Variants in PLEKHA5 observed in about 807,000 individuals in gnomAD.
The protein encoded by PLEKHA5 is pleckstrin homology domain containing A5, also known as pleckstrin homology domain-containing family A member 5.
A neutral mutation model predicts 181.9 loss-of-function variants in PLEKHA5; 55 were observed. The ratio of observed to expected loss-of-function variants is 0.30; its 90% confidence interval spans 0.24 to 0.38. The LOEUF (loss-of-function observed/expected upper bound fraction) is 0.38, where lower values mean the gene tolerates loss of function less well. Among genes scored for constraint, PLEKHA5 ranks in the 10% least tolerant of loss-of-function variants. PLEKHA5 has a pLI of 1.00. For missense variants in PLEKHA5, 1,432 were observed against 1,549.5 expected (o/e 0.92, Z 1.27); for synonymous variants, 535 against 529.4 (o/e 1.01, Z -0.15).
chr12:19,320,810 G>A, intron 18 of PLEKHA5, 186 bp downstream of exon 18: 1 of 373,950 alleles, frequency 2.7e-6, no homozygotes, highest in Non-Finnish European at 4.9e-6. Flanking sequence ...GCTCCCTATT[G>A]TTAGCAGTCC....
At chr12:19,157,097 T>C (rs61913274) in intron 3 of PLEKHA5, among the ~76,000 whole-genome samples, 32 of 143,292 alleles carry the variant, frequency 2.2e-4, no homozygotes, top group African/African-American at 5.2e-4. Context: ...TATATGTACA[T>C]ACACACACAC....
chr12:19,358,180 T>C (rs755055184), intron 26 of PLEKHA5, 48 bp from the exon 27 acceptor site: 17 of 1,260,856 alleles, frequency 1.3e-5, no homozygotes, highest in Non-Finnish European at 1.9e-5. Flanking sequence ...CATCATACTT[T>C]TCAGAAGTTT....
At chr12:19,153,930 T>G (rs1480756520) in intron 3 of PLEKHA5, 1 of 152,192 alleles carries the variant, frequency 6.6e-6, no homozygotes, top group Non-Finnish European at 1.5e-5. Context: ...AGAGTTTGTA[T>G]GAGGTTAGAA....
chr12:19,205,324 G>A (rs2055164956), intron 3 of PLEKHA5: 1 of 971,356 alleles, frequency 1.0e-6, no homozygotes, highest in Admixed American at 6.2e-5. Flanking sequence ...GGAAAGAGCA[G>A]AAAAGAGATC....
intron 3 of PLEKHA5, chr12:19,200,588 A>G (rs1159191811): frequency 1.3e-5 from 15 of 1,199,314 alleles, no homozygotes; most frequent in Non-Finnish European, 1.6e-5. Flanking sequence ...TGGAGAAGAA[A>G]GTAGAAACTA....
At chr12:19,359,981 G>A (rs926441225) in intron 28 of PLEKHA5, among the ~76,000 whole-genome samples, 1 of 150,860 alleles carries the variant, frequency 6.6e-6, no homozygotes, top group Non-Finnish European at 1.5e-5. Context: ...AAAAAAAAAA[G>A]AAAAAGGAAA....
At chr12:19,372,526 C>T (rs2095609621) in intron 31 of PLEKHA5, 1 of 151,616 alleles carries the variant, frequency 6.6e-6, no homozygotes, top group Non-Finnish European at 1.5e-5. Flanking sequence ...CCTTTCACAC[C>T]TTATTGTAGG....
chr12:19,274,437 A>AT, intron 10 of PLEKHA5, 79 bp from the exon 11 acceptor site: 4 of 1,022,978 alleles, frequency 3.9e-6, no homozygotes, highest in Admixed American at 2.6e-5. Context: ...GTAAAGTATA[A>AT]TTTTTCCTAG....
At position 19,240,228 on chromosome 12, in the gene PLEKHA5, T is replaced by TAA. The variant is rs1271570344; in HGVS notation, c.228-13711_228-13710insAA. ...TCTACTGGAAAGAATGTGTTTTATC[T>TAA]ACAATAAAATAATTGGATCTCTTTA... On this transcript the variant is annotated intron_variant, in intron 3 of 31. Transcript: ENST00000429027. Among the ~76,000 whole-genome samples the TAA allele has an allele frequency of 1.9e-3, 293 of 152,316 alleles. 1 individual carries two copies. The highest frequency in any genetic ancestry group is 6.7e-3 in the African/African-American group (279 of 41,588).
At chr12:19,134,777 A>G (rs2035103823) in intron 3 of PLEKHA5, among the ~76,000 whole-genome samples, 2 of 152,166 alleles carry the variant, frequency 1.3e-5, no homozygotes, top group Non-Finnish European at 2.9e-5. Context: ...AACAGCAGAA[A>G]CATGCCTTTG....
chr12:19,350,066 C>G lies in PLEKHA5; in HGVS notation c.3019+1547C>G, dbSNP rs543414022. 1.1e-4 allele frequency among the ~76,000 whole-genome samples: 17 copies of G among 152,266 alleles called. No individual in the cohort carries two copies. In the East Asian group the frequency reaches 3.3e-3, roughly 29 times the overall value. ...GTCAGAGGTTGCAGTGAGCCAAGAT[C>G]GTGCCACTGCACTCCAGTCTGGGTG... is the stretch of plus-strand genomic sequence containing the variant. On this transcript the variant is annotated intron_variant, in intron 25 of 31. Coordinates refer to ENST00000429027, the MANE Select transcript of PLEKHA5 (RefSeq NM_001256470.2).
intron 17 of PLEKHA5, among the ~76,000 whole-genome samples, chr12:19,320,359 T>A (rs1404099317): frequency 6.6e-6 from 1 of 152,136 alleles, no homozygotes; most frequent in Non-Finnish European, 1.5e-5. Flanking sequence ...ATCGTTCGTA[T>A]GTATCTTGCA....
intron 15 of PLEKHA5, among the ~76,000 whole-genome samples, chr12:19,309,610 C>A (rs1213718574): frequency 6.6e-6 from 1 of 151,704 alleles, no homozygotes; most frequent in Admixed American, 6.6e-5. Flanking sequence ...AGAAAAATTA[C>A]TGGTAGGCGC....
chr12:19,258,382 T>C (rs2067413170), intron 6 of PLEKHA5, among the ~76,000 whole-genome samples: 1 of 152,080 alleles, frequency 6.6e-6, no homozygotes, highest in Non-Finnish European at 1.5e-5. Flanking sequence ...AAATATTAGT[T>C]CATTGGTGTC....
intron 3 of PLEKHA5, among the ~76,000 whole-genome samples, chr12:19,212,709 T>A (rs892514012): frequency 6.6e-6 from 1 of 152,190 alleles, no homozygotes; most frequent in Non-Finnish European, 1.5e-5. Flanking sequence ...TATTTATAAC[T>A]TTTGAAATGT....
At chr12:19,198,515 T>C (rs1201185413) in intron 3 of PLEKHA5, among the ~76,000 whole-genome samples, 1 of 152,190 alleles carries the variant, frequency 6.6e-6, no homozygotes, top group African/African-American at 2.4e-5. Flanking sequence ...CTATCTCATG[T>C]AGTCTTTTGT....
At chr12:19,186,890 G>A (rs982872749) in intron 3 of PLEKHA5, among the ~76,000 whole-genome samples, 3 of 152,030 alleles carry the variant, frequency 2.0e-5, no homozygotes, top group Admixed American at 6.5e-5. Flanking sequence ...TCAGAAGGTC[G>A]AGGAATAACA....
chr12:19,144,111 G>A (rs183826876), intron 3 of PLEKHA5, among the ~76,000 whole-genome samples: 2 of 152,254 alleles, frequency 1.3e-5, no homozygotes, highest in African/African-American at 4.8e-5. Context: ...TGCAATAAGT[G>A]CTTCTGATTG....
intron 6 of PLEKHA5, among the ~76,000 whole-genome samples, chr12:19,259,173 A>C (rs368199021): frequency 8.6e-5 from 13 of 152,030 alleles, no homozygotes; most frequent in African/African-American, 3.1e-4. Flanking sequence ...CTTGGGCAAC[A>C]TAGTGAGACC....
Sources: gnomAD v4.1 joint callset for allele counts (sites outside exome capture counted in the v4.1 genomes callset) on GRCh38, gnomAD v4.1.1 for gene constraint, MANE v1.5 for transcripts, NCBI Gene and HGNC (gene_info 2026-07-23, HGNC 2026-07-21) for gene names.